The following DOCK4 variants were observed in gnomAD, a reference collection of about 807,000 sequenced individuals.
DOCK4 encodes the protein dedicator of cytokinesis 4, also known as dedicator of cytokinesis protein 4.
In DOCK4, 97 loss-of-function variants were observed where a neutral mutation model predicts 268.1. The ratio of observed to expected loss-of-function variants is 0.36; its 90% CI spans 0.31 to 0.43. DOCK4 has a LOEUF of 0.43. DOCK4 is among the 20% of genes least tolerant of loss of function. The pLI is 1.00. For synonymous variants in DOCK4, 954 were observed against 887.2 expected, an observed-to-expected ratio of 1.08 and a Z score of -1.34; for missense variants, 2,145 against 2,455.7, an observed-to-expected ratio of 0.87 and a Z score of 2.67.
intron 44 of DOCK4, 66 bp downstream of exon 44, chr7:111,746,268 G>T (rs568260289): frequency 7.6e-7 from 1 of 1,310,124 alleles, no homozygotes; most frequent in East Asian, 2.4e-5. Flanking sequence ...CCATGCAGAG[G>T]GGGCTCTAGG....
At chr7:111,851,074 T>C (rs1804507465) in intron 23 of DOCK4, among the ~76,000 whole-genome samples, 1 of 152,192 alleles carries the variant, frequency 6.6e-6, no homozygotes, top group Admixed American at 6.5e-5. Flanking sequence ...AAAAACCCTC[T>C]ATCCTTACCT....
intron 47 of DOCK4, among the ~76,000 whole-genome samples, chr7:111,740,557 AC>A (rs1481806620): frequency 6.8e-6 from 1 of 146,904 alleles, no homozygotes; most frequent in Non-Finnish European, 1.5e-5. Flanking sequence ...ACATAGTGAA[AC>A]CCCGTCTCTA....
intron 32 of DOCK4, 138 bp from the exon 33 acceptor site, chr7:111,784,261 T>A: frequency 1.0e-6 from 1 of 990,132 alleles, no homozygotes; most frequent in Non-Finnish European, 1.5e-6. Context: ...AGCTTCTCCC[T>A]TACACTAACA....
intron 1 of DOCK4, among the ~76,000 whole-genome samples, chr7:112,077,864 T>C (rs1808225644): frequency 6.6e-6 from 1 of 152,124 alleles, no homozygotes; most frequent in South Asian, 2.1e-4. Flanking sequence ...ATAGGTTTGC[T>C]AAAAATATAA....
intron 37 of DOCK4, among the ~76,000 whole-genome samples, chr7:111,768,805 T>C (rs1201964199): frequency 6.6e-6 from 1 of 152,046 alleles, no homozygotes; most frequent in Admixed American, 6.6e-5. Context: ...TTCGGGAGAG[T>C]GTGAAGGATG....
intron 1 of DOCK4, among the ~76,000 whole-genome samples, chr7:112,114,222 C>A (rs2115758188): frequency 6.6e-6 from 1 of 152,260 alleles, no homozygotes; most frequent in Admixed American, 6.5e-5. Context: ...TCATTCCCCA[C>A]CACTAATACT....
chr7:111,790,156 T>C (rs1799432245), intron 31 of DOCK4, among the ~76,000 whole-genome samples: 1 of 152,102 alleles, frequency 6.6e-6, no homozygotes, highest in Non-Finnish European at 1.5e-5. Context: ...ATTCTTCTGC[T>C]CTGTGTCCAA....
At chr7:111,949,326 A>T (rs1194177475) in intron 8 of DOCK4, among the ~76,000 whole-genome samples, 10 of 152,204 alleles carry the variant, frequency 6.6e-5, no homozygotes, top group African/African-American at 2.2e-4. Context: ...ACTGACATAA[A>T]ATCCAATTCC....
At chr7:111,992,155 G>A (rs543195167) in intron 5 of DOCK4, among the ~76,000 whole-genome samples, 8 of 152,162 alleles carry the variant, frequency 5.3e-5, no homozygotes, top group South Asian at 2.1e-4. Flanking sequence ...CCTTGGCAAC[G>A]TTATTTAAAG....
chr7:111,994,893 T>A (rs1367636800), intron 4 of DOCK4, among the ~76,000 whole-genome samples: 1 of 152,096 alleles, frequency 6.6e-6, no homozygotes, highest in African/African-American at 2.4e-5. Flanking sequence ...CTGATTAGAG[T>A]AACGTAGTCT....
intron 23 of DOCK4, 121 bp downstream of exon 23, chr7:111,863,251 C>A: frequency 9.9e-7 from 1 of 1,010,732 alleles, no homozygotes; most frequent in South Asian, 1.4e-5. Context: ...TCCAAATAAA[C>A]AATGGTTTTG....
At chr7:112,096,154 TTG>T (rs577759955) in intron 1 of DOCK4, among the ~76,000 whole-genome samples, 1 of 151,384 alleles carries the variant, frequency 6.6e-6, no homozygotes, top group South Asian at 2.1e-4. Context: ...TATATAAAAT[TTG>T]TGTGTGTGTG....
intron 4 of DOCK4, among the ~76,000 whole-genome samples, chr7:111,995,433 G>GTGTGTGTGTGTGTGTT (rs1799871068): frequency 1.1e-5 from 1 of 90,466 alleles, no homozygotes; most frequent in African/African-American, 5.3e-5. Flanking sequence ...GTGTGTGTGT[G>GTGTGTGTGTGTGTGTT]TGTGTGTGTG....
intron 35 of DOCK4, among the ~76,000 whole-genome samples, chr7:111,782,120 C>T (rs1472128825): frequency 1.3e-5 from 2 of 152,188 alleles, no homozygotes; most frequent in East Asian, 1.9e-4. Context: ...ATTTGACTTA[C>T]ATTAAAATAT....
At chr7:111,817,848 T>C (rs1335056274) in intron 27 of DOCK4, among the ~76,000 whole-genome samples, 2 of 152,160 alleles carry the variant, frequency 1.3e-5, no homozygotes, top group Non-Finnish European at 2.9e-5. Flanking sequence ...GCAAAACTCT[T>C]CCTGTAATTA....
intron 1 of DOCK4, among the ~76,000 whole-genome samples, chr7:112,056,807 G>C (rs924210778): frequency 6.6e-6 from 1 of 152,034 alleles, no homozygotes; most frequent in African/African-American, 2.4e-5. Context: ...AGCCATATAA[G>C]TAAAAACTGA....
chr7:111,759,647 G>A (rs1050165075), intron 40 of DOCK4, among the ~76,000 whole-genome samples: 2 of 152,050 alleles, frequency 1.3e-5, no homozygotes, highest in African/African-American at 4.8e-5. Context: ...TTTCAGCTCA[G>A]TTGTTTGTGT....
chr7:111,931,471 A>G (rs573142304), intron 12 of DOCK4, among the ~76,000 whole-genome samples: 16 of 152,182 alleles, frequency 1.1e-4, no homozygotes, highest in Non-Finnish European at 2.4e-4. Context: ...ATGTGGACAC[A>G]TCTAAACATG....
Position 111,983,844 on chromosome 7 carries a change from ACGCGCGCGCGCGCG to A in DOCK4, c.549+448_549+461del, listed in dbSNP as rs57929541. On this transcript the variant is annotated intron_variant, in intron 7 of 52. Coordinates refer to ENST00000428084, the MANE Select transcript of DOCK4 (RefSeq NM_001363540.2). The stretch of plus-strand genomic sequence containing the variant: ...AGTGCTATTATGTATGTACACACAC[ACGCGCGCGCGCGCG>A]CGCGCACACACACACACACACACAC... Among the ~76,000 whole-genome samples, 204 of 138,990 alleles carry A rather than the reference ACGCGCGCGCGCGCG, an allele frequency of 1.5e-3. 3 individuals are homozygous for A. Among genetic ancestry groups the A allele is most frequent in the Middle Eastern group, 7.1e-3 (2 of 282 alleles). The allele number at this position is 138,990 out of a possible 152,430, so 91.2% of individuals were successfully genotyped here. A position where few individuals can be genotyped will look rare whatever the true frequency, so the allele number is the denominator to read the frequency against.
Sources: allele counts gnomAD v4.1 joint callset (sites outside exome capture counted in the v4.1 genomes callset), GRCh38; gene constraint gnomAD v4.1.1; transcripts MANE v1.5; gene names NCBI Gene and HGNC (gene_info 2026-07-23, HGNC 2026-07-21).